Variants in RGS22 observed in about 807,000 individuals in gnomAD.
The protein encoded by RGS22 is regulator of G-protein signaling 22.
Under a neutral mutation model 172.9 loss-of-function variants are expected in RGS22, and 148 were observed. The observed-to-expected ratio is 0.86, with a 90% CI of 0.75 to 0.98. The LOEUF is 0.98. RGS22 is among the 50% of genes least tolerant of loss of function. The pLI is 0.00. For synonymous variants in RGS22, 458 were observed against 480.2 expected (o/e 0.95, Z 0.60); for missense variants, 1,347 against 1,440.8 (o/e 0.93, Z 1.05).
At chr8:100,040,363 T>G (rs1819972034) in intron 12 of RGS22, among the ~76,000 whole-genome samples, 1 of 152,230 alleles carries the variant, frequency 6.6e-6, no homozygotes, top group African/African-American at 2.4e-5. Context: ...TCAATTATTT[T>G]CATGTTTCAG....
chr8:100,104,362 A>AT (rs112962010), intron 2 of RGS22, among the ~76,000 whole-genome samples: 8,302 of 79,414 alleles, frequency 0.1, 825 homozygotes, highest in African/African-American at 0.28. Context: ...GTGTGTGTGT[A>AT]TTTTTTTTTT....
At chr8:100,043,607 C>A (rs1314228198) in intron 11 of RGS22, among the ~76,000 whole-genome samples, 1 of 152,034 alleles carries the variant, frequency 6.6e-6, no homozygotes, top group Non-Finnish European at 1.5e-5. Context: ...GAAACCCCGT[C>A]TCTACTAAAA....
intron 14 of RGS22, among the ~76,000 whole-genome samples, chr8:100,015,771 T>C (rs1232807191): frequency 1.3e-5 from 2 of 152,170 alleles, no homozygotes; most frequent in Admixed American, 1.3e-4. Flanking sequence ...TCAAGAAACA[T>C]CATAAAACTC....
chr8:100,019,150 C>T (rs1563623554), intron 14 of RGS22, among the ~76,000 whole-genome samples: 1 of 152,224 alleles, frequency 6.6e-6, no homozygotes, highest in East Asian at 1.9e-4. Flanking sequence ...TGAGCACAGG[C>T]TTTGGGAAGG....
chr8:100,081,471 C>G (rs1261690992), intron 3 of RGS22, among the ~76,000 whole-genome samples: 1 of 151,360 alleles, frequency 6.6e-6, no homozygotes, highest in African/African-American at 2.4e-5. Flanking sequence ...TGATACGGTT[C>G]AAGATGAATG....
At chr8:100,070,880 A>T (rs1810917789) in intron 6 of RGS22, among the ~76,000 whole-genome samples, 1 of 151,854 alleles carries the variant, frequency 6.6e-6, no homozygotes, top group Non-Finnish European at 1.5e-5. Flanking sequence ...ACCAAAAAAA[A>T]AAGAGAGCAG....
chr8:100,008,679 C>A, intron 14 of RGS22, 110 bp from the exon 15 acceptor site: 1 of 727,552 alleles, frequency 1.4e-6, no homozygotes, highest in South Asian at 2.2e-5. Context: ...AATAAGCCCA[C>A]GTGATATTTT....
At chr8:99,979,315 G>A (rs1812301303) in intron 22 of RGS22, among the ~76,000 whole-genome samples, 1 of 152,050 alleles carries the variant, frequency 6.6e-6, no homozygotes, top group Non-Finnish European at 1.5e-5. Context: ...GGCTTTCTAA[G>A]TAAAAGTCAC....
chr8:100,004,807 T>C (rs947762143), intron 16 of RGS22, among the ~76,000 whole-genome samples: 2 of 151,326 alleles, frequency 1.3e-5, no homozygotes, highest in Admixed American at 1.3e-4. Context: ...ATCCTTCAAA[T>C]ATAATATTAA....
intron 24 of RGS22, 92 bp downstream of exon 24, chr8:99,965,243 C>T (rs906972287): frequency 2.9e-6 from 2 of 695,274 alleles, no homozygotes; most frequent in Non-Finnish European, 4.8e-6. Flanking sequence ...CAAACAAACA[C>T]ATTTCTAGTA....
chr8:100,062,782 C>A (rs771943809), intron 8 of RGS22, 30 bp from the exon 9 acceptor site: 1 of 1,540,860 alleles, frequency 6.5e-7, no homozygotes, highest in East Asian at 2.3e-5. Flanking sequence ...CATATATACA[C>A]ACACACATTG....
intron 10 of RGS22, chr8:100,050,725 AC>A (rs1821190163): frequency 1.3e-5 from 2 of 152,132 alleles, no homozygotes; most frequent in African/African-American, 4.8e-5. Context: ...TATATAGTTA[AC>A]TTTTCTTCTC....
chr8:100,091,843 T>C (rs559083131), intron 3 of RGS22: 2 of 152,244 alleles, frequency 1.3e-5, no homozygotes, highest in African/African-American at 4.8e-5. Flanking sequence ...TCTTATATAA[T>C]ATACAACTGG....
chr8:100,095,347 C>A (rs1487294392), intron 2 of RGS22, among the ~76,000 whole-genome samples: 4 of 152,034 alleles, frequency 2.6e-5, no homozygotes, highest in Non-Finnish European at 5.9e-5. Flanking sequence ...CCGTGCCCAG[C>A]TAATTTTTGT....
At chr8:99,993,126 G>A (rs1462077993) in intron 20 of RGS22, among the ~76,000 whole-genome samples, 2 of 152,168 alleles carry the variant, frequency 1.3e-5, no homozygotes, top group Non-Finnish European at 2.9e-5. Flanking sequence ...AGTGTGTAGA[G>A]GGAAATTTAT....
intron 2 of RGS22, among the ~76,000 whole-genome samples, chr8:100,095,882 C>A (rs1419625490): frequency 6.6e-6 from 1 of 152,216 alleles, no homozygotes; most frequent in Non-Finnish European, 1.5e-5. Context: ...GAAACCTCAG[C>A]AATTCCGTTG....
intron 14 of RGS22, among the ~76,000 whole-genome samples, chr8:100,023,696 A>G (rs528774151): frequency 3.4e-4 from 52 of 152,172 alleles, no homozygotes; most frequent in African/African-American, 1.2e-3. Flanking sequence ...CAGCCTCCCA[A>G]ATGCTGGGAT....
At chr8:100,083,830 C>CTTTTTTTTTTTTTTTTTTTT (rs59603032) in intron 3 of RGS22, among the ~76,000 whole-genome samples, 4 of 126,052 alleles carry the variant, frequency 3.2e-5, no homozygotes, top group Non-Finnish European at 6.5e-5. Flanking sequence ...AATTTCTTTT[C>CTTTTTTTTTTTTTTTTTTTT]TTTTTTTTTT....
chr8:99,985,572 G>T (rs1007424981), intron 21 of RGS22, among the ~76,000 whole-genome samples: 1 of 152,094 alleles, frequency 6.6e-6, no homozygotes, highest in Admixed American at 6.5e-5. Context: ...CCTGAAAGAG[G>T]GCAGTGTGTT....
Sources: gnomAD v4.1 joint callset for allele counts (sites outside exome capture counted in the v4.1 genomes callset) on GRCh38, gnomAD v4.1.1 for gene constraint, MANE v1.5 for transcripts, NCBI Gene and HGNC (gene_info 2026-07-23, HGNC 2026-07-21) for gene names.